The following SLC7A14 variants were observed in gnomAD, a reference collection of about 807,000 sequenced individuals.
The protein encoded by SLC7A14 is solute carrier family 7 member 14.
A neutral mutation model predicts 60.2 loss-of-function variants in SLC7A14; 37 were observed. The observed-to-expected ratio is 0.61, with a 90% CI of 0.47 to 0.81. The LOEUF (loss-of-function observed/expected upper bound fraction) is 0.81. Among genes scored for constraint, SLC7A14 ranks in the 30% least tolerant of loss-of-function variants. SLC7A14 has a pLI of 0.00. For missense variants in SLC7A14, 886 were observed against 982.7 expected (o/e 0.90, Z 1.32); for synonymous variants, 399 against 395.8 (o/e 1.01, Z -0.10).
chr3:170,466,876 G>A lies in SLC7A14; in HGVS notation c.*179C>T, dbSNP rs1739731605. On this transcript the variant is annotated 3_prime_UTR_variant, in exon 8 of 8. Coordinates refer to ENST00000231706, the MANE Select transcript of SLC7A14 (RefSeq NM_020949.3). ...CGACCAGTTAGGGGACCCAGGTTAA[G>A]CCCTTCAACAGAACTATCCTGAAGA... The A allele has an allele frequency of 3.5e-6, 2 of 577,850 alleles. No homozygotes were observed. Among genetic ancestry groups the A allele is most frequent in the Non-Finnish European group, 6.0e-6 (2 of 330,794 alleles). 35.8% of individuals were successfully genotyped at this position (577,850 alleles called of 1,614,324 possible). A position where few individuals can be genotyped will look rare whatever the true frequency, so the allele number is the denominator to read the frequency against.
At chr3:170,576,222 T>G (rs62294667) in intron 1 of SLC7A14, among the ~76,000 whole-genome samples, 18,269 of 152,292 alleles carry the variant, frequency 0.12, 1,366 homozygotes, top group East Asian at 0.2. Context: ...ATTACATCTG[T>G]GGAACTTTCA....
chr3:170,535,937 C>T lies in SLC7A14; in HGVS notation c.-152-8849G>A, dbSNP rs758702581. ...CAAAATACCAGGCTTGAGTGTGCCA[C>T]GTGCTTCCTGCTGGGATCCTGACTG... On this transcript the variant is annotated intron_variant, in intron 1 of 7. Coordinates refer to ENST00000231706, the MANE Select transcript of SLC7A14 (RefSeq NM_020949.3). The surrounding 1 kb of genome is among the most constrained non-coding windows in gnomAD (Gnocchi z 4.3). 3.9e-5 allele frequency among the ~76,000 whole-genome samples: 6 copies of T among 152,230 alleles called. No individual in the cohort carries two copies. The highest frequency in any genetic ancestry group is 4.1e-4 in the South Asian group (2 of 4,824).
intron 1 of SLC7A14, among the ~76,000 whole-genome samples, chr3:170,529,347 TC>T (rs1560270700): frequency 6.6e-6 from 1 of 152,258 alleles, no homozygotes; most frequent in Non-Finnish European, 1.5e-5. Flanking sequence ...TAGAATGTTT[TC>T]CCACATCAAT....
At chr3:170,492,162 A>G (rs947445598) in intron 4 of SLC7A14, among the ~76,000 whole-genome samples, 1 of 152,162 alleles carries the variant, frequency 6.6e-6, no homozygotes, top group Non-Finnish European at 1.5e-5. Flanking sequence ...TGGTGTTTAT[A>G]ATTAGGATAG....
intron 7 of SLC7A14, among the ~76,000 whole-genome samples, 192 bp downstream of exon 7, chr3:170,480,097 A>G (rs537675517): frequency 1.3e-5 from 2 of 152,324 alleles, no homozygotes; most frequent in Admixed American, 1.3e-4. Context: ...TCCAGAACCA[A>G]TGACTAAGAA....
rs548290941 is a variant in SLC7A14 at position 170,497,087 on chromosome 3, CAAAAAA to C, written c.759+1574_759+1579del. On this transcript the variant is annotated intron_variant, in intron 4 of 7. Coordinates refer to ENST00000231706, the MANE Select transcript of SLC7A14 (RefSeq NM_020949.3). ...AACAATTTAATTGCTTTATTTTGTCCAAAAAAAAAAAAAAAAAAAAAAAGAAAGAAA... is the reference window on the plus strand; with the variant it reads ...AACAATTTAATTGCTTTATTTTGTCCAAAAAAAAAAAAAAAAAGAAAGAAA... Among the ~76,000 whole-genome samples, 229 of 94,264 alleles carry C rather than the reference CAAAAAA, an allele frequency of 2.4e-3. 1 individual carries two copies. Among genetic ancestry groups the C allele is most frequent in the African/African-American group, 6.5e-3 (166 of 25,662 alleles). The allele number at this position is 94,264 out of a possible 152,430, so 61.8% of individuals were successfully genotyped here.
intron 1 of SLC7A14, among the ~76,000 whole-genome samples, chr3:170,548,728 C>G (rs1714248406): frequency 6.6e-6 from 1 of 152,192 alleles, no homozygotes; most frequent in South Asian, 2.1e-4. Context: ...CATATTTTTG[C>G]AATTCCTGGT....
Position 170,498,769 on chromosome 3 carries a change from CA to C in SLC7A14, c.656del (p.Val219GlyfsTer2). On this transcript the variant is annotated frameshift_variant, in exon 4 of 8. Coordinates refer to ENST00000231706, the MANE Select transcript of SLC7A14 (RefSeq NM_020949.3). LOFTEE classifies it high-confidence loss of function. ...TGAACACCCATACTGCCAGGTTCAGCACATTGAGAACATTGTTGAAGCCTAT... is the reference window on the plus strand; with the variant it reads ...TGAACACCCATACTGCCAGGTTCAGCCATTGAGAACATTGTTGAAGCCTAT... ...NSIGFNNVLN[V>X]LNLAVWVFIM... 6.2e-7 allele frequency: 1 copy of C among 1,614,150 alleles called. No individual in the cohort carries two copies. The highest frequency in any genetic ancestry group is 2.2e-5 in the East Asian group (1 of 44,876).
At chr3:170,515,233 A>T (rs1041789917) in intron 2 of SLC7A14, among the ~76,000 whole-genome samples, 1 of 151,858 alleles carries the variant, frequency 6.6e-6, no homozygotes, top group Non-Finnish European at 1.5e-5. Flanking sequence ...GAATCACTGG[A>T]ACCTGGGAGG....
chr3:170,470,439 G>C (rs1739864263), intron 7 of SLC7A14, among the ~76,000 whole-genome samples: 1 of 151,920 alleles, frequency 6.6e-6, no homozygotes, highest in Non-Finnish European at 1.5e-5. Context: ...AAATATTTAT[G>C]GGTCTTTTCA....
intron 2 of SLC7A14, among the ~76,000 whole-genome samples, chr3:170,522,858 A>G (rs1207493860): frequency 2.0e-5 from 3 of 152,204 alleles, no homozygotes; most frequent in Admixed American, 6.5e-5. Context: ...AAAAATTCCC[A>G]AGTGATTTAA....
chr3:170,473,969 A>G (rs1039612967), intron 7 of SLC7A14, among the ~76,000 whole-genome samples: 1 of 152,248 alleles, frequency 6.6e-6, no homozygotes, highest in Non-Finnish European at 1.5e-5. Flanking sequence ...AGTCTGAGCC[A>G]GCAATTCTAA....
intron 2 of SLC7A14, among the ~76,000 whole-genome samples, chr3:170,521,902 C>T (rs766143670): frequency 6.6e-6 from 1 of 150,942 alleles, no homozygotes; most frequent in Non-Finnish European, 1.5e-5. Flanking sequence ...GCCTGGGAGA[C>T]AGAGCAAGAC....
At chr3:170,520,697 G>GTT (rs1713316114) in intron 2 of SLC7A14, among the ~76,000 whole-genome samples, 1 of 152,166 alleles carries the variant, frequency 6.6e-6, no homozygotes, top group South Asian at 2.1e-4. Context: ...GGCTTGAAGG[G>GTT]TTATTATAGA....
chr3:170,470,109 A>G (rs1398366928), intron 7 of SLC7A14, among the ~76,000 whole-genome samples: 1 of 152,194 alleles, frequency 6.6e-6, no homozygotes, highest in African/African-American at 2.4e-5. Context: ...AGAGGCTGGG[A>G]AAGAATAAGT....
intron 1 of SLC7A14, among the ~76,000 whole-genome samples, chr3:170,536,265 A>C (rs1374167658): frequency 6.6e-6 from 1 of 152,230 alleles, no homozygotes; most frequent in Non-Finnish European, 1.5e-5. Context: ...TGCCCCAAAT[A>C]TAGCTAAGAG....
intron 1 of SLC7A14, among the ~76,000 whole-genome samples, chr3:170,529,322 T>C (rs566838765): frequency 6.6e-6 from 1 of 152,382 alleles, no homozygotes; most frequent in East Asian, 1.9e-4. Context: ...TTTCTTGTTT[T>C]GCTTAACAAT....
chr3:170,561,702 C>A (rs1714656865), intron 1 of SLC7A14, among the ~76,000 whole-genome samples: 1 of 152,150 alleles, frequency 6.6e-6, no homozygotes, highest in Non-Finnish European at 1.5e-5. Flanking sequence ...AGTAAACAGA[C>A]AACACACAGA....
At chr3:170,512,325 G>A (rs1022096554) in intron 2 of SLC7A14, among the ~76,000 whole-genome samples, 3 of 152,168 alleles carry the variant, frequency 2.0e-5, no homozygotes, top group Admixed American at 2.0e-4. Context: ...TGACTAGGGA[G>A]GGGGAGCCAC....
Sources: gnomAD v4.1 joint callset for allele counts (sites outside exome capture counted in the v4.1 genomes callset) on GRCh38, gnomAD v4.1.1 for gene constraint, Gnocchi (gnomAD v3.1) non-coding constraint, MANE v1.5 for transcripts, NCBI Gene and HGNC (gene_info 2026-07-23, HGNC 2026-07-21) for gene names.